LAMA4: variants seen among roughly 807,000 people sequenced by gnomAD.
LAMA4 encodes the protein laminin subunit alpha 4.
LAMA4 carries 127 observed loss-of-function variants against 207.1 expected under a neutral mutation model. The ratio of observed to expected loss-of-function variants is 0.61; its 90% CI spans 0.53 to 0.71. LAMA4 has a LOEUF of 0.71. Among genes scored for constraint, LAMA4 ranks in the 30% least tolerant of loss-of-function variants. LAMA4 has a pLI of 0.00. For synonymous variants in LAMA4, 761 were observed against 816.0 expected (o/e 0.93, Z 1.15); for missense variants, 2,093 against 2,246.5 (o/e 0.93, Z 1.38).
At chr6:112,132,652 A>T in intron 28 of LAMA4, 101 bp downstream of exon 28, 1 of 1,141,448 alleles carries the variant, frequency 8.8e-7, no homozygotes, top group Non-Finnish European at 1.3e-6. Flanking sequence ...AGTCAAAATT[A>T]ATCTGAATAG....
chr6:112,196,967 C>G (rs782334003), intron 5 of LAMA4, among the ~76,000 whole-genome samples: 10 of 152,042 alleles, frequency 6.6e-5, no homozygotes, highest in Non-Finnish European at 1.5e-4. Flanking sequence ...GATAAAGAAG[C>G]CATTGTGTGA....
intron 2 of LAMA4, among the ~76,000 whole-genome samples, chr6:112,240,871 C>G (rs1554187503): frequency 6.6e-6 from 1 of 151,758 alleles, no homozygotes; most frequent in Non-Finnish European, 1.5e-5. Context: ...GATATTTCTT[C>G]TATATACTGA....
chr6:112,232,790 A>C (rs534580591), intron 2 of LAMA4, among the ~76,000 whole-genome samples: 2 of 152,368 alleles, frequency 1.3e-5, no homozygotes, highest in East Asian at 3.9e-4. Context: ...TGACAACAAA[A>C]TAATACACAT....
chr6:112,156,757 G>C (rs1023462936), intron 14 of LAMA4, among the ~76,000 whole-genome samples: 1 of 152,192 alleles, frequency 6.6e-6, no homozygotes. Flanking sequence ...GACCTGTTGA[G>C]CTCGGTAATT....
chr6:112,252,527 C>T (rs370568477), intron 2 of LAMA4, among the ~76,000 whole-genome samples: 2 of 152,154 alleles, frequency 1.3e-5, no homozygotes, highest in East Asian at 3.9e-4. Context: ...TTCAGATGAA[C>T]AATGAAAACA....
At chr6:112,245,474 C>T (rs1554188480) in intron 2 of LAMA4, among the ~76,000 whole-genome samples, 2 of 152,128 alleles carry the variant, frequency 1.3e-5, no homozygotes, top group African/African-American at 2.4e-5. Flanking sequence ...CAACAGTGTT[C>T]CATGTAATAG....
chr6:112,178,968 G>A (rs1782186104), intron 9 of LAMA4: 1 of 152,292 alleles, frequency 6.6e-6, no homozygotes, highest in Non-Finnish European at 1.5e-5. Context: ...AGTGGCTCCT[G>A]GGTGGTCCAA....
intron 2 of LAMA4, among the ~76,000 whole-genome samples, chr6:112,248,649 C>A (rs1052562552): frequency 6.6e-6 from 1 of 152,000 alleles, no homozygotes; most frequent in Non-Finnish European, 1.5e-5. Context: ...ATAATAAATT[C>A]CATAACATAG....
intron 7 of LAMA4, among the ~76,000 whole-genome samples, chr6:112,188,337 T>C (rs1235892789): frequency 6.6e-6 from 1 of 152,176 alleles, no homozygotes; most frequent in African/African-American, 2.4e-5. Flanking sequence ...GTGGGGGAGA[T>C]GCTTAGGACC....
At chr6:112,219,756 T>G (rs1784823145) in intron 2 of LAMA4, among the ~76,000 whole-genome samples, 1 of 152,228 alleles carries the variant, frequency 6.6e-6, no homozygotes, top group Non-Finnish European at 1.5e-5. Flanking sequence ...GTGTCAGTTA[T>G]GTTGCACAAT....
chr6:112,172,285 A>G (rs1312027042), intron 12 of LAMA4: 1 of 298,132 alleles, frequency 3.4e-6, no homozygotes, highest in Admixed American at 4.6e-5. Context: ...TGGTTTTGAG[A>G]TGCTTTGGCC....
chr6:112,230,209 G>T (rs1156367167), intron 2 of LAMA4, among the ~76,000 whole-genome samples: 2 of 152,176 alleles, frequency 1.3e-5, no homozygotes, highest in African/African-American at 4.8e-5. Context: ...AATGCTTGTT[G>T]AGTGAATGAA....
chr6:112,196,928 G>C (rs1783455588), intron 5 of LAMA4, among the ~76,000 whole-genome samples: 1 of 152,198 alleles, frequency 6.6e-6, no homozygotes, highest in Non-Finnish European at 1.5e-5. Context: ...ATATGATGCT[G>C]TGTCTGTCAA....
intron 2 of LAMA4, among the ~76,000 whole-genome samples, chr6:112,239,336 A>AAC (rs1269398230): frequency 6.6e-6 from 1 of 151,788 alleles, no homozygotes; most frequent in African/African-American, 2.4e-5. Context: ...AAAAAAAAAA[A>AAC]AAAAAGAGAC....
chr6:112,217,578 C>A (rs1184919141), intron 2 of LAMA4: 1 of 152,008 alleles, frequency 6.6e-6, no homozygotes, highest in Non-Finnish European at 1.5e-5. Context: ...GCTTTTTACT[C>A]TGTAAAGAAA....
intron 2 of LAMA4, among the ~76,000 whole-genome samples, chr6:112,243,635 G>A (rs1310313174): frequency 6.6e-6 from 1 of 152,048 alleles, no homozygotes; most frequent in Admixed American, 6.5e-5. Context: ...AGCTCCATGA[G>A]AATCTCCTAC....
intron 3 of LAMA4, chr6:112,214,191 A>C: frequency 2.3e-6 from 1 of 436,086 alleles, no homozygotes. Flanking sequence ...ATGTGCAAGC[A>C]TTTTCTGCCC....
intron 19 of LAMA4, among the ~76,000 whole-genome samples, chr6:112,144,528 A>G (rs188284021): frequency 7.9e-5 from 12 of 152,348 alleles, no homozygotes; most frequent in Non-Finnish European, 1.3e-4. Context: ...CTGGCTACAC[A>G]TTAGAATAAC....
Position 112,134,486 on chromosome 6 carries a change from G to A in LAMA4, c.3538C>T (p.Pro1180Ser), listed in dbSNP as rs782075650. ...CCTTACCTGGATTGTAAGATTTCTG[G>A]AGGAGCTCCTCCAATGTATATATCT... Reference protein sequence around the residue: ...FTDIYIGGAPPEILQSRALRA... With the variant: ...FTDIYIGGAPSEILQSRALRA... Residue 1180 changes from proline (P) to serine (S), a missense_variant, in exon 26 of 39, where the codon CCA becomes TCA. Physicochemically the swap from Pro to Ser is moderately conservative, Grantham distance 74. Coordinates refer to ENST00000230538, the MANE Select transcript of LAMA4 (RefSeq NM_001105206.3). 1.2e-6 allele frequency: 2 copies of A among 1,613,526 alleles called. No individual in the cohort carries two copies.
Sources: gnomAD v4.1 joint callset for allele counts (sites outside exome capture counted in the v4.1 genomes callset) on GRCh38, gnomAD v4.1.1 for gene constraint, MANE v1.5 for transcripts, NCBI Gene and HGNC (gene_info 2026-07-23, HGNC 2026-07-21) for gene names.